Variants in KDM5A observed in about 807,000 individuals in gnomAD.
KDM5A encodes the protein lysine-specific demethylase 5A.
A neutral mutation model predicts 193.5 loss-of-function variants in KDM5A; 42 were observed. That is an observed-to-expected ratio of 0.22 (90% CI 0.17 to 0.28). KDM5A has a LOEUF of 0.28. Ranked by LOEUF, KDM5A falls within the 10% of genes least tolerant of loss-of-function variation. The probability of loss-of-function intolerance (pLI) is 1.00; values close to 1 mark genes in which losing one functional copy is unlikely to be tolerated. For missense variants in KDM5A, 1,692 were observed against 2,055.1 expected (o/e 0.82, Z 3.42); for synonymous variants, 796 against 718.1 (o/e 1.11, Z -1.73).
At chr12:294,640 T>C (rs567153334) in intron 26 of KDM5A, among the ~76,000 whole-genome samples, 105 of 152,348 alleles carry the variant, frequency 6.9e-4, no homozygotes, top group African/African-American at 2.4e-3. Flanking sequence ...ATATGCTAAA[T>C]ATATCTGTAT....
rs1191368477 is a variant in KDM5A at position 323,795 on chromosome 12, T to C, written c.1969-14A>G. On this transcript the variant is annotated splice_polypyrimidine_tract_variant and intron_variant, in intron 14 of 27. Transcript: ENST00000399788. ...CATCAGGACACCCTGAAATATAATT[T>C]ATTTCACTAGATCAAGTCTTTCTAG... is the stretch of plus-strand genomic sequence containing the variant. 1.9e-6 allele frequency: 3 copies of C among 1,606,646 alleles called. No homozygotes were observed. The Admixed American group carries it at 5.0e-5, about 27-fold the overall frequency.
chr12:295,580 A>C lies in KDM5A; in HGVS notation c.4448T>G (p.Ile1483Ser), dbSNP rs757985096. 3.7e-6 allele frequency: 6 copies of C among 1,613,590 alleles called. No individual in the cohort carries two copies. Among genetic ancestry groups the C allele is most frequent in the Non-Finnish European group, 5.1e-6 (6 of 1,179,640 alleles). ...HPPSEDRFLH[I>S]MEDDSMEEKP... ...TAAGTATTAAATCCACACCTCCATG[A>C]TATGCAAGAATCTGTCTTCAGAGGG... Residue 1483 changes from isoleucine to serine, a missense_variant, in exon 26 of 28, where the codon ATC becomes AGC. By Grantham distance (142) the Ile-to-Ser change is moderately radical (BLOSUM62 -2). Transcript: ENST00000399788.
intron 5 of KDM5A, 39 bp downstream of exon 5, chr12:362,924 C>A: frequency 6.9e-6 from 11 of 1,601,686 alleles, no homozygotes; most frequent in Non-Finnish European, 9.4e-6. Flanking sequence ...GAGACTACAT[C>A]TTTATTTAAA....
intron 4 of KDM5A, among the ~76,000 whole-genome samples, chr12:365,649 A>C (rs1344814100): frequency 6.6e-6 from 1 of 152,222 alleles, no homozygotes; most frequent in Non-Finnish European, 1.5e-5. Context: ...ATGGTATATA[A>C]ATCATAACTA....
chr12:327,781 G>A (rs909962276), intron 14 of KDM5A, among the ~76,000 whole-genome samples: 3 of 152,230 alleles, frequency 2.0e-5, no homozygotes, highest in Non-Finnish European at 4.4e-5. Context: ...GGGAGGCCAA[G>A]GCAGGAGGAC....
At chr12:342,872 G>A (rs183602007) in intron 10 of KDM5A, among the ~76,000 whole-genome samples, 73 of 151,948 alleles carry the variant, frequency 4.8e-4, no homozygotes, top group African/African-American at 1.6e-3. Context: ...CGCAGAAGAC[G>A]GGTGATTTCT....
chr12:324,306 A>G (rs1452452923), intron 14 of KDM5A, among the ~76,000 whole-genome samples: 2 of 152,154 alleles, frequency 1.3e-5, no homozygotes, highest in African/African-American at 2.4e-5. Context: ...TCTAAAAAAA[A>G]AGAATGCGAT....
At chr12:369,656 C>A (rs759656678) in intron 3 of KDM5A, among the ~76,000 whole-genome samples, 9 of 152,250 alleles carry the variant, frequency 5.9e-5, no homozygotes, top group Non-Finnish European at 1.2e-4. Flanking sequence ...ATAAAGGGAA[C>A]AGACAAAGCA....
At chr12:330,147 T>C (rs1943848047) in intron 13 of KDM5A, among the ~76,000 whole-genome samples, 1 of 151,322 alleles carries the variant, frequency 6.6e-6, no homozygotes, top group East Asian at 1.9e-4. Flanking sequence ...AACTCTTTCA[T>C]ATCTTAAATA....
chr12:296,981 A>C, intron 25 of KDM5A, 60 bp downstream of exon 25: 1 of 1,537,976 alleles, frequency 6.5e-7, no homozygotes, highest in East Asian at 2.3e-5. Context: ...TGATTAACAT[A>C]ATGCTTTTTC....
intron 10 of KDM5A, among the ~76,000 whole-genome samples, chr12:344,775 A>G (rs987036056): frequency 2.4e-4 from 36 of 152,310 alleles, no homozygotes; most frequent in African/African-American, 7.9e-4. Context: ...AGCACTAAAC[A>G]TGGAAGGGAA....
Position 303,706 on chromosome 12 carries a change from T to A in KDM5A, c.4074+3240A>T, listed in dbSNP as rs570714283. ...ACCTTCTATAGTCTACAACCTATAA[T>A]AACTCCTATACCAACAAGTTAAGGA... On this transcript the variant is annotated intron_variant, in intron 24 of 27. Transcript: ENST00000399788. Among the ~76,000 whole-genome samples the A allele has an allele frequency of 2.0e-5, 3 of 152,348 alleles. No individual in the cohort carries two copies. In the South Asian group the frequency reaches 6.2e-4, roughly 32 times the overall value.
At chr12:345,212 G>A (rs1008380951) in intron 10 of KDM5A, among the ~76,000 whole-genome samples, 3 of 152,148 alleles carry the variant, frequency 2.0e-5, no homozygotes, top group African/African-American at 7.2e-5. Flanking sequence ...TCAACAAGAA[G>A]AGCTAACTAT....
At chr12:357,994 G>T (rs1206882274) in intron 5 of KDM5A, among the ~76,000 whole-genome samples, 3 of 151,972 alleles carry the variant, frequency 2.0e-5, no homozygotes, top group Admixed American at 6.6e-5. Flanking sequence ...CAGAAAGATG[G>T]AAAGAGCCTG....
At chr12:326,214 G>C (rs1302761739) in intron 14 of KDM5A, among the ~76,000 whole-genome samples, 1 of 152,244 alleles carries the variant, frequency 6.6e-6, no homozygotes, top group Non-Finnish European at 1.5e-5. Context: ...TGGAAACACA[G>C]ATTACAAATG....
At chr12:376,907 A>T (rs1333300298) in intron 3 of KDM5A, among the ~76,000 whole-genome samples, 1 of 152,228 alleles carries the variant, frequency 6.6e-6, no homozygotes, top group African/African-American at 2.4e-5. Flanking sequence ...CAAAACAATA[A>T]CAAAAACAGA....
In KDM5A at chr12:323,210, C is replaced by CAA. The variant is rs60377454; in HGVS notation, c.2151-6_2151-5dup. Reference sequence around the variant, plus strand: ...GTCTTCTAATGGGTAGCGATATCTACAAAAAAAAAAAAAAAAAAAAAAAAA... The same window carrying CAA: ...GTCTTCTAATGGGTAGCGATATCTACAAAAAAAAAAAAAAAAAAAAAAAAAAA... On this transcript the variant is annotated splice_region_variant and splice_polypyrimidine_tract_variant and intron_variant, in intron 15 of 27. Coordinates refer to ENST00000399788, the MANE Select transcript of KDM5A (RefSeq NM_001042603.3). 8.4e-3 allele frequency: 2,505 copies of CAA among 296,498 alleles called. 41 individuals are homozygous for CAA. Among genetic ancestry groups the CAA allele is most frequent in the Admixed American group, 0.015 (120 of 7,912 alleles). The allele number at this position is 296,498 out of a possible 1,614,324, so 18.4% of individuals were successfully genotyped here. A position where few individuals can be genotyped will look rare whatever the true frequency, so the allele number is the denominator to read the frequency against.
At chr12:381,835 C>T (rs890212443) in intron 3 of KDM5A, among the ~76,000 whole-genome samples, 2 of 152,006 alleles carry the variant, frequency 1.3e-5, no homozygotes, top group South Asian at 4.1e-4. Context: ...GAAACAGGGT[C>T]TTGCTCTGTC....
At chr12:342,404 A>G (rs979556118) in intron 10 of KDM5A, among the ~76,000 whole-genome samples, 2 of 152,070 alleles carry the variant, frequency 1.3e-5, no homozygotes. Context: ...CATATTTGAC[A>G]ATCTACCCAC....
Sources: allele counts gnomAD v4.1 joint callset (sites outside exome capture counted in the v4.1 genomes callset), GRCh38; gene constraint gnomAD v4.1.1; transcripts MANE v1.5; gene names NCBI Gene and HGNC (gene_info 2026-07-23, HGNC 2026-07-21).